The following RARB variants were observed in gnomAD, a reference collection of about 807,000 sequenced individuals.
The protein encoded by RARB is retinoic acid receptor beta, also known as HBV-activated protein.
In RARB, 17 loss-of-function variants were observed where a neutral mutation model predicts 51.9. The ratio of observed to expected loss-of-function variants is 0.33; its 90% CI spans 0.22 to 0.49. RARB has a LOEUF of 0.49. Ranked by LOEUF, RARB falls within the 20% of genes least tolerant of loss-of-function variation. RARB has a pLI of 0.99. For missense variants in RARB, 369 were observed against 550.8 expected (o/e 0.67, Z 3.30); for synonymous variants, 215 against 195.4 (o/e 1.10, Z -0.84).
chr3:25,556,007 A>ATTTTTTT (rs35199932), intron 3 of RARB, among the ~76,000 whole-genome samples: 5,731 of 149,004 alleles, frequency 0.038, 139 homozygotes, highest in Non-Finnish European at 0.058. Flanking sequence ...GACATCTTGT[A>ATTTTTTT]TTTTTTTTTT....
rs201275082 is a variant in RARB, at chr3:25,327,043, T to A, written c.179-134150T>A. Among the ~76,000 whole-genome samples, 23 of 152,026 alleles carry A rather than the reference T, an allele frequency of 1.5e-4. No homozygotes were observed. The East Asian group carries it at 3.9e-3, about 26-fold the overall frequency. On this transcript the variant is annotated intron_variant, in intron 5 of 11. Transcript: ENST00000383772. ...TGTGATGTTCCCCTTCCTGTGTCCA[T>A]GTGTTCTCATTGTTCAATTCCCACC...
intron 5 of RARB, among the ~76,000 whole-genome samples, chr3:25,186,380 G>A (rs1383331685): frequency 6.6e-6 from 1 of 152,024 alleles, no homozygotes; most frequent in Non-Finnish European, 1.5e-5. Flanking sequence ...TTTTGAAAAT[G>A]ACTTAGCACA....
At chr3:25,550,736 C>G (rs1699814075) in intron 3 of RARB, among the ~76,000 whole-genome samples, 1 of 152,132 alleles carries the variant, frequency 6.6e-6, no homozygotes, top group South Asian at 2.1e-4. Flanking sequence ...CCGATGTTCT[C>G]CCTCCCCACC....
At chr3:25,005,430 G>C (rs1247790166) in intron 2 of RARB, among the ~76,000 whole-genome samples, 2 of 152,112 alleles carry the variant, frequency 1.3e-5, no homozygotes, top group Non-Finnish European at 2.9e-5. Context: ...CTGGAGGATT[G>C]GCTTCCAAGG....
At chr3:25,523,781 G>A (rs1394615210) in intron 3 of RARB, among the ~76,000 whole-genome samples, 3 of 152,176 alleles carry the variant, frequency 2.0e-5, no homozygotes, top group African/African-American at 7.2e-5. Flanking sequence ...CACTTTCGGA[G>A]CTAAAGGGGG....
intron 3 of RARB, among the ~76,000 whole-genome samples, chr3:25,538,608 G>T (rs1211853680): frequency 1.3e-5 from 2 of 152,152 alleles, no homozygotes; most frequent in Non-Finnish European, 2.9e-5. Flanking sequence ...TCAGCAACTT[G>T]ATACTGCTGC....
intron 1 of RARB, among the ~76,000 whole-genome samples, chr3:25,435,692 A>G (rs540334801): frequency 6.6e-6 from 1 of 152,328 alleles, no homozygotes; most frequent in East Asian, 1.9e-4. Flanking sequence ...CATTGGCTTT[A>G]ATGACAAGAA....
At chr3:24,986,533 T>G (rs571682510) in intron 2 of RARB, among the ~76,000 whole-genome samples, 1 of 152,360 alleles carries the variant, frequency 6.6e-6, no homozygotes, top group South Asian at 2.1e-4. Context: ...TTTGTGGTTT[T>G]AGTTAAAGAA....
chr3:25,309,757 A>G (rs1228673641), intron 5 of RARB, among the ~76,000 whole-genome samples: 1 of 151,974 alleles, frequency 6.6e-6, no homozygotes, highest in Non-Finnish European at 1.5e-5. Context: ...GGCCTCCCAA[A>G]GTGCTGGGAT....
chr3:25,559,488 C>G (rs1700189827), intron 3 of RARB, among the ~76,000 whole-genome samples: 1 of 152,174 alleles, frequency 6.6e-6, no homozygotes, highest in South Asian at 2.1e-4. Context: ...ACATCTAGCT[C>G]AGTGCATGAT....
At chr3:25,321,665 C>T (rs541499646) in intron 5 of RARB, among the ~76,000 whole-genome samples, 39 of 151,376 alleles carry the variant, frequency 2.6e-4, no homozygotes, top group Non-Finnish European at 4.1e-4. Context: ...TGCAGTGAGC[C>T]GAGATCATGC....
intron 5 of RARB, among the ~76,000 whole-genome samples, chr3:25,186,903 G>GTA (rs1416503596): frequency 1.3e-5 from 2 of 148,522 alleles, no homozygotes; most frequent in African/African-American, 4.9e-5. Flanking sequence ...GTGTGTGTGT[G>GTA]TGTGTGTGTG....
intron 5 of RARB, among the ~76,000 whole-genome samples, chr3:25,389,061 A>C (rs1030233435): frequency 6.6e-6 from 1 of 152,178 alleles, no homozygotes; most frequent in Admixed American, 6.5e-5. Flanking sequence ...TTCATAATAT[A>C]TGTGGAGCTC....
rs139142593 is a variant in RARB at position 25,184,769 on chromosome 3, A to G, written c.178+10194A>G. Among the ~76,000 whole-genome samples, 324 of 152,224 alleles carry G rather than the reference A, an allele frequency of 2.1e-3. 2 individuals carry two copies. The highest frequency in any genetic ancestry group is 7.4e-3 in the African/African-American group (306 of 41,554). On this transcript the variant is annotated intron_variant, in intron 5 of 11. Coordinates refer to the RARB transcript ENST00000383772. Reference sequence around the variant, plus strand: ...AGGCTAAGTATGGTGGCTCACACCTATACTCCCAGCGCTTTGCGGGACTGA... The same window carrying G: ...AGGCTAAGTATGGTGGCTCACACCTGTACTCCCAGCGCTTTGCGGGACTGA...
At chr3:24,957,038 A>T (rs773531280) in intron 2 of RARB, among the ~76,000 whole-genome samples, 1 of 152,200 alleles carries the variant, frequency 6.6e-6, no homozygotes, top group Non-Finnish European at 1.5e-5. Context: ...ATCAACTATT[A>T]GATGCTGGCT....
intron 5 of RARB, among the ~76,000 whole-genome samples, chr3:25,247,790 T>C (rs1702601940): frequency 6.6e-6 from 1 of 152,250 alleles, no homozygotes; most frequent in South Asian, 2.1e-4. Flanking sequence ...GGAATCATTT[T>C]ATGTCTTAAC....
chr3:24,977,555 G>A (rs1696545185), intron 2 of RARB, among the ~76,000 whole-genome samples: 1 of 152,050 alleles, frequency 6.6e-6, no homozygotes, highest in Non-Finnish European at 1.5e-5. Context: ...TGATTTAGCT[G>A]TCTGTTGGTC....
At chr3:25,520,556 C>CT (rs1184336939) in intron 3 of RARB, among the ~76,000 whole-genome samples, 3 of 152,102 alleles carry the variant, frequency 2.0e-5, no homozygotes, top group Admixed American at 1.3e-4. Context: ...ACTGATAACT[C>CT]TTTTTTTAGA....
rs922940 is a variant in RARB, at chr3:25,401,016, A to G, written c.179-60177A>G. 3.2e-3 allele frequency among the ~76,000 whole-genome samples: 481 copies of G among 152,226 alleles called. 3 individuals are homozygous for G. The highest frequency in any genetic ancestry group is 0.011 in the African/African-American group (456 of 41,572). On this transcript the variant is annotated intron_variant, in intron 5 of 11. Coordinates refer to the RARB transcript ENST00000383772. ...ATGCAAAACTCATGCCCCCTCAGGA[A>G]CTTTCTCATTCTTAGTTTCATAAGG... is the stretch of plus-strand genomic sequence containing the variant.
Sources: allele counts gnomAD v4.1 joint callset (sites outside exome capture counted in the v4.1 genomes callset), GRCh38; gene constraint gnomAD v4.1.1; transcripts MANE v1.5; gene names NCBI Gene and HGNC (gene_info 2026-07-23, HGNC 2026-07-21).